The following PCDHA11 variants were observed in gnomAD, a reference collection of about 807,000 sequenced individuals.
PCDHA11 encodes protocadherin alpha 11.
In PCDHA11, 61 loss-of-function variants were observed where a neutral mutation model predicts 70.3. That is an observed-to-expected ratio of 0.87 (90% CI 0.71 to 1.07). PCDHA11 has a LOEUF of 1.07. Ranked by LOEUF, PCDHA11 falls within the 50% of genes least tolerant of loss-of-function variation. The pLI is 0.00. For synonymous variants in PCDHA11, 633 were observed against 555.1 expected (o/e 1.14, Z -1.97); for missense variants, 1,324 against 1,237.5 (o/e 1.07, Z -1.05).
chr5:140,916,871 T>C (rs1321229691), intron 1 of PCDHA11, among the ~76,000 whole-genome samples: 1 of 152,162 alleles, frequency 6.6e-6, no homozygotes, highest in African/African-American at 2.4e-5. Context: ...ACCTAGGAAT[T>C]GCAATCCTTG....
In PCDHA11 at chr5:140,869,097, G is replaced by A. The variant is rs1344358126; in HGVS notation, c.-7G>A. 2.5e-6 allele frequency: 4 copies of A among 1,595,318 alleles called. No homozygotes were observed. The highest frequency in any genetic ancestry group is 2.6e-6 in the Non-Finnish European group (3 of 1,170,140). The stretch of plus-strand genomic sequence containing the variant: ...GAAGCTTATTTTGGAAGCCAATTTC[G>A]TATGCGATGTTTGGTTTTCAGAGAA... On this transcript the variant is annotated 5_prime_UTR_variant, in exon 1 of 4. Transcript: ENST00000398640.
chr5:140,882,451 G>C, intron 1 of PCDHA11: 1 of 1,614,040 alleles, frequency 6.2e-7, no homozygotes. Flanking sequence ...AGCTGGTGCC[G>C]CGCCTGTTCC....
intron 1 of PCDHA11, among the ~76,000 whole-genome samples, chr5:140,893,013 CCTGACTTATTTCA>C (rs2063781212): frequency 6.6e-6 from 1 of 152,170 alleles, no homozygotes; most frequent in African/African-American, 2.4e-5. Context: ...TTTTTCTGTG[CCTGACTTATTTCA>C]CTTAACATAT....
intron 1 of PCDHA11, chr5:140,882,692 A>G (rs998224514): frequency 6.2e-7 from 1 of 1,614,204 alleles, no homozygotes; most frequent in South Asian, 1.1e-5. Context: ...ACGAATAATC[A>G]TTGCAGAATC....
At chr5:140,877,894 G>C (rs1186724493) in intron 1 of PCDHA11, 21 of 1,447,492 alleles carry the variant, frequency 1.5e-5, no homozygotes, top group African/African-American at 2.9e-5. Flanking sequence ...CTTCCGTTTA[G>C]GTTATAACTA....
intron 1 of PCDHA11, chr5:140,927,577 A>T: frequency 6.2e-7 from 1 of 1,614,170 alleles, no homozygotes; most frequent in Non-Finnish European, 8.5e-7. Flanking sequence ...CACAAATGAC[A>T]ACGCGCCTGT....
At chr5:140,897,050 G>C (rs1269082503) in intron 1 of PCDHA11, among the ~76,000 whole-genome samples, 1 of 152,014 alleles carries the variant, frequency 6.6e-6, no homozygotes, top group African/African-American at 2.4e-5. Flanking sequence ...CTATTCTGCT[G>C]TCAAATACTA....
chr5:140,982,648 G>T, intron 3 of PCDHA11, 85 bp downstream of exon 3: 5 of 1,508,154 alleles, frequency 3.3e-6, no homozygotes, highest in Non-Finnish European at 4.4e-6. Flanking sequence ...GAATGTTGAT[G>T]GCTCTTTTTC....
chr5:140,984,682 A>G (rs2097114582), intron 3 of PCDHA11, among the ~76,000 whole-genome samples: 2 of 152,136 alleles, frequency 1.3e-5, no homozygotes, highest in Non-Finnish European at 2.9e-5. Context: ...AGGACTCAAT[A>G]TATGTTCTGC....
intron 3 of PCDHA11, among the ~76,000 whole-genome samples, chr5:141,005,701 CAA>C (rs59860837): frequency 3.2e-3 from 25 of 7,784 alleles, no homozygotes; most frequent in African/African-American, 6.6e-3. Flanking sequence ...AACTCCGTCT[CAA>C]AAAAAAAAAA....
rs1582019516 is a variant in PCDHA11, at chr5:140,871,192, G to T, written c.2089G>T (p.Val697Leu). The T allele has an allele frequency of 2.5e-6, 4 of 1,613,668 alleles. No homozygotes were observed. The highest frequency in any genetic ancestry group is 3.4e-6 in the Non-Finnish European group (4 of 1,179,944). ...SPEAALVDVN[V>L]YLIIAICVVS... ...AGAGGCTGCGCTGGTGGATGTCAACGTGTACCTGATCATCGCCATCTGCGT... is the reference window on the plus strand; with the variant it reads ...AGAGGCTGCGCTGGTGGATGTCAACTTGTACCTGATCATCGCCATCTGCGT... Residue 697 changes from valine (V) to leucine (L), a missense_variant, in exon 1 of 4, where the codon GTG becomes TTG. Coordinates refer to ENST00000398640, the MANE Select transcript of PCDHA11 (RefSeq NM_018902.5).
At chr5:140,995,689 T>A (rs528829345) in intron 3 of PCDHA11, among the ~76,000 whole-genome samples, 33 of 152,250 alleles carry the variant, frequency 2.2e-4, no homozygotes, top group Admixed American at 6.5e-4. Flanking sequence ...TTTTAATTGT[T>A]AAATAAAGGG....
intron 3 of PCDHA11, among the ~76,000 whole-genome samples, chr5:140,999,234 G>T (rs1327126129): frequency 1.3e-5 from 2 of 152,232 alleles, no homozygotes; most frequent in African/African-American, 4.8e-5. Context: ...AGAATAGGTG[G>T]TTAAAGTGGG....
At chr5:140,885,864 GA>G (rs1267536827) in intron 1 of PCDHA11, among the ~76,000 whole-genome samples, 5 of 151,842 alleles carry the variant, frequency 3.3e-5, no homozygotes, top group African/African-American at 4.8e-5. Context: ...CTTTTCTATT[GA>G]AAAAAAATTT....
intron 1 of PCDHA11, among the ~76,000 whole-genome samples, chr5:140,959,741 C>T (rs1415934970): frequency 6.6e-6 from 1 of 152,068 alleles, no homozygotes; most frequent in Admixed American, 6.6e-5. Flanking sequence ...CATCAAAATG[C>T]CTTAAAGTAT....
At chr5:141,000,538 A>C (rs31871) in intron 3 of PCDHA11, among the ~76,000 whole-genome samples, 70,673 of 145,962 alleles carry the variant, frequency 0.48, 18,171 homozygotes, top group African/African-American at 0.68. Flanking sequence ...AGTGATTCTC[A>C]TGCCTCAAAC....
In PCDHA11 at chr5:140,929,414, A is replaced by G. The variant is rs1174756115; in HGVS notation, c.2392-49535A>G. The G allele has an allele frequency of 6.6e-6, 10 of 1,504,304 alleles. No individual in the cohort carries two copies. The East Asian group carries it at 1.1e-4, about 17-fold the overall frequency. 93.2% of individuals were successfully genotyped at this position (1,504,304 alleles called of 1,614,324 possible). A position where few individuals can be genotyped will look rare whatever the true frequency, so the allele number is the denominator to read the frequency against. On this transcript the variant is annotated intron_variant, in intron 1 of 3. Transcript: ENST00000398640. ...ATATTTCTTAGACAAGCCTTTCACA[A>G]CATTTCATCAATTGAACTAAACACT...
intron 1 of PCDHA11, among the ~76,000 whole-genome samples, chr5:140,970,213 A>AAAT (rs1198069658): frequency 6.6e-5 from 10 of 152,242 alleles, no homozygotes; most frequent in Admixed American, 2.0e-4. Context: ...AATTTAGCTT[A>AAAT]AATGCAGCCT....
chr5:140,875,752 A>G lies in PCDHA11; in HGVS notation c.2391+4258A>G, dbSNP rs782489258. On this transcript the variant is annotated intron_variant, in intron 1 of 3. Transcript: ENST00000398640. ...TGTGAATTCTCGGATCGACCGCGAGAAGCTGTGCGGGCGGAGCGCGGAGTG... is the reference window on the plus strand; with the variant it reads ...TGTGAATTCTCGGATCGACCGCGAGGAGCTGTGCGGGCGGAGCGCGGAGTG... 53 of 1,614,084 alleles carry G rather than the reference A, an allele frequency of 3.3e-5. No homozygotes were observed. The highest frequency in any genetic ancestry group is 3.2e-4 in the African/African-American group (24 of 74,918).
Sources: gnomAD v4.1 joint callset for allele counts (sites outside exome capture counted in the v4.1 genomes callset) on GRCh38, gnomAD v4.1.1 for gene constraint, MANE v1.5 for transcripts, NCBI Gene and HGNC (gene_info 2026-07-23, HGNC 2026-07-21) for gene names.